The following GTF2H2C variants were observed in gnomAD, a reference collection of about 807,000 sequenced individuals.
The protein encoded by GTF2H2C is general transcription factor IIH subunit 2-like protein.
In GTF2H2C, 5 loss-of-function variants were observed where a neutral mutation model predicts 24.8. The ratio of observed to expected loss-of-function variants is 0.20; its 90% CI spans 0.11 to 0.42. The LOEUF (loss-of-function observed/expected upper bound fraction) is 0.42, where lower values mean the gene tolerates loss of function less well. GTF2H2C is among the 20% of genes least tolerant of loss of function. GTF2H2C has a pLI of 1.00. For synonymous variants in GTF2H2C, 14 were observed against 52.6 expected (o/e 0.27, Z 3.18); for missense variants, 45 against 169.8 (o/e 0.27, Z 4.08).
intron 9 of GTF2H2C, among the ~76,000 whole-genome samples, chr5:69,573,229 A>C (rs1299740864): frequency 7.8e-4 from 107 of 136,978 alleles, no homozygotes; most frequent in African/African-American, 2.8e-3. Context: ...TCTGTCACCC[A>C]GGCTGGCATG....
intron 4 of GTF2H2C, 189 bp downstream of exon 4, chr5:69,566,397 A>G (rs1008712958): frequency 1.1e-5 from 12 of 1,127,092 alleles, no homozygotes; most frequent in African/African-American, 1.6e-5. Flanking sequence ...GAGACTGTCT[A>G]CAATACCTAT....
intron 12 of GTF2H2C, among the ~76,000 whole-genome samples, chr5:69,580,481 C>A (rs1580646261): frequency 6.7e-6 from 1 of 148,276 alleles, no homozygotes; most frequent in East Asian, 2.0e-4. Context: ...TGCCTGTAAT[C>A]CTAGCACTTT....
At chr5:69,561,967 A>G (rs1770388863) in intron 1 of GTF2H2C, among the ~76,000 whole-genome samples, 1 of 152,182 alleles carries the variant, frequency 6.6e-6, no homozygotes, top group Admixed American at 6.5e-5. Flanking sequence ...TGAGAACGTT[A>G]TGCGAGTTTT....
chr5:69,589,998 C>T (rs1352356504), intron 15 of GTF2H2C, among the ~76,000 whole-genome samples: 7 of 136,064 alleles, frequency 5.1e-5, no homozygotes, highest in African/African-American at 8.1e-5. Context: ...GATTCTCCTG[C>T]GTCAGCCTCC....
At chr5:69,563,461 C>T (rs1331919959) in intron 2 of GTF2H2C, among the ~76,000 whole-genome samples, 1 of 151,986 alleles carries the variant, frequency 6.6e-6, no homozygotes, top group South Asian at 2.1e-4. Flanking sequence ...TGATCCGCAC[C>T]TTGTCCTCTC....
chr5:69,577,429 T>TC (rs1771361601), intron 9 of GTF2H2C, among the ~76,000 whole-genome samples: 2 of 143,072 alleles, frequency 1.4e-5, no homozygotes, highest in Non-Finnish European at 3.0e-5. Flanking sequence ...TCTTTTTCTT[T>TC]CTTTTTTTTT....
chr5:69,579,729 G>GTT, intron 11 of GTF2H2C, 28 bp from the exon 12 acceptor site: 1 of 1,524,388 alleles, frequency 6.6e-7, no homozygotes, highest in Non-Finnish European at 8.9e-7. Context: ...CTATGAAGGT[G>GTT]TTTTTTTTTC....
intron 2 of GTF2H2C, among the ~76,000 whole-genome samples, chr5:69,563,201 C>T (rs75950812): frequency 2.1e-5 from 3 of 139,682 alleles, no homozygotes; most frequent in South Asian, 2.5e-4. Context: ...CCATCATACC[C>T]GGCCTGGTTT....
Position 69,594,458 on chromosome 5 carries a change from C to CACAT in GTF2H2C, c.*2263_*2264insTACA, listed in dbSNP as rs1348984101. 6 of 153,486 alleles carry CACAT rather than the reference C, an allele frequency of 3.9e-5. No individual in the cohort carries two copies. In the East Asian group the frequency reaches 1.1e-3, roughly 29 times the overall value. 9.5% of individuals were successfully genotyped at this position (153,486 alleles called of 1,614,324 possible). ...TAATACACACACACACACACACACA[C>CACAT]ACACACACACACACACACACTGATC... On this transcript the variant is annotated 3_prime_UTR_variant, in exon 17 of 17. Transcript: ENST00000380729.
intron 3 of GTF2H2C, chr5:69,565,901 C>T (rs1392620618): frequency 2.5e-5 from 14 of 566,174 alleles, no homozygotes; most frequent in Non-Finnish European, 1.6e-5. Flanking sequence ...TGTATTAATA[C>T]TTCATTCCTT....
chr5:69,591,513 A>G (rs1363466433), intron 16 of GTF2H2C, among the ~76,000 whole-genome samples: 5 of 150,824 alleles, frequency 3.3e-5, no homozygotes, highest in African/African-American at 1.2e-4. Context: ...TGATTTTTGA[A>G]TCTGTGTATG....
At chr5:69,566,321 T>A in intron 4 of GTF2H2C, 113 bp downstream of exon 4, 1 of 1,446,890 alleles carries the variant, frequency 6.9e-7, no homozygotes, top group Non-Finnish European at 9.5e-7. Flanking sequence ...GAAACTGACC[T>A]ATTGCCTTCT....
chr5:69,590,159 A>G (rs1478411645), intron 15 of GTF2H2C, among the ~76,000 whole-genome samples, 169 bp from the exon 16 acceptor site: 1 of 147,746 alleles, frequency 6.8e-6, no homozygotes, highest in African/African-American at 2.5e-5. Flanking sequence ...TGCTGGGATT[A>G]TAGGCGTGAG....
chr5:69,579,728 TG>T, intron 11 of GTF2H2C, 28 bp from the exon 12 acceptor site: 4 of 1,532,362 alleles, frequency 2.6e-6, no homozygotes, highest in Admixed American at 1.8e-5. Context: ...TCTATGAAGG[TG>T]TTTTTTTTTC....
intron 3 of GTF2H2C, chr5:69,565,644 A>G (rs2112181409): frequency 4.4e-6 from 1 of 224,970 alleles, no homozygotes; most frequent in African/African-American, 2.3e-5. Context: ...AATACTGAAC[A>G]TTGTGTTACA....
At chr5:69,572,854 G>A (rs1439388716) in intron 9 of GTF2H2C, 4 of 61,614 alleles carry the variant, frequency 6.5e-5, no homozygotes, top group East Asian at 3.9e-4. Context: ...TATAATAATT[G>A]TAAGTTGGTT....
At chr5:69,568,631 G>A (rs911513721) in intron 8 of GTF2H2C, 2 of 111,922 alleles carry the variant, frequency 1.8e-5, no homozygotes, top group Admixed American at 8.9e-5. Flanking sequence ...TGAGTAGCTG[G>A]AACTACAGAT....
chr5:69,590,094 A>G (rs1771923916), intron 15 of GTF2H2C, among the ~76,000 whole-genome samples: 1 of 150,692 alleles, frequency 6.6e-6, no homozygotes, highest in Non-Finnish European at 1.5e-5. Context: ...CACGTTGGCC[A>G]GGCTGGTCAC....
Position 69,590,192 on chromosome 5 carries a change from ATTC to A in GTF2H2C, c.1029-133_1029-131del, listed in dbSNP as rs1268267784. On this transcript the variant is annotated intron_variant, in intron 15 of 16. Transcript: ENST00000380729. Reference sequence around the variant, plus strand: ...GAGCCACTGTGCCTGGCCTATTGGTATTCTTAACTCTTTTTCCTGAAAGTCATG... The same window carrying A: ...GAGCCACTGTGCCTGGCCTATTGGTATTAACTCTTTTTCCTGAAAGTCATG... The A allele has an allele frequency of 7.1e-4, 114 of 160,502 alleles. 1 individual carries two copies. Among genetic ancestry groups the A allele is most frequent in the Non-Finnish European group, 1.9e-4 (15 of 77,056 alleles). 9.9% of individuals were successfully genotyped at this position (160,502 alleles called of 1,614,324 possible).
Sources: allele counts gnomAD v4.1 joint callset (sites outside exome capture counted in the v4.1 genomes callset), GRCh38; gene constraint gnomAD v4.1.1; transcripts MANE v1.5; gene names NCBI Gene and HGNC (gene_info 2026-07-23, HGNC 2026-07-21).